The following GRID2 variants were observed in gnomAD, a reference collection of about 807,000 sequenced individuals.
The protein encoded by GRID2 is glutamate ionotropic receptor delta type subunit 2.
GRID2 carries 33 observed loss-of-function variants against 114.8 expected under a neutral mutation model. That is an observed-to-expected ratio of 0.29 (90% CI 0.22 to 0.38). GRID2 has a LOEUF of 0.38. Ranked by LOEUF, GRID2 falls within the 10% of genes least tolerant of loss-of-function variation. The probability of loss-of-function intolerance (pLI) is 1.00; values close to 1 mark genes in which losing one functional copy is unlikely to be tolerated. For synonymous variants in GRID2, 505 were observed against 449.9 expected, an observed-to-expected ratio of 1.12 and a Z score of -1.55; for missense variants, 1,184 against 1,257.7, an observed-to-expected ratio of 0.94 and a Z score of 0.89.
chr4:92,837,036 A>G (rs929435355), intron 2 of GRID2, among the ~76,000 whole-genome samples: 1 of 152,068 alleles, frequency 6.6e-6, no homozygotes, highest in Non-Finnish European at 1.5e-5. Context: ...AAGGCCAATG[A>G]CTGAGACTGT....
At chr4:93,547,262 A>G (rs1051646563) in intron 13 of GRID2, among the ~76,000 whole-genome samples, 14 of 152,254 alleles carry the variant, frequency 9.2e-5, no homozygotes, top group African/African-American at 3.1e-4. Context: ...AGTGATGGGG[A>G]ATGGGGGATG....
chr4:93,405,092 A>G (rs545206795), intron 9 of GRID2, among the ~76,000 whole-genome samples: 1 of 152,148 alleles, frequency 6.6e-6, no homozygotes, highest in Non-Finnish European at 1.5e-5. Context: ...TAGGTAAAAT[A>G]GTACTCATTT....
At chr4:92,776,128 G>A (rs1184441742) in intron 2 of GRID2, among the ~76,000 whole-genome samples, 1 of 152,054 alleles carries the variant, frequency 6.6e-6, no homozygotes, top group African/African-American at 2.4e-5. Context: ...ATATGTATGA[G>A]TGTGTGTTAA....
intron 13 of GRID2, among the ~76,000 whole-genome samples, chr4:93,602,259 G>T (rs769233842): frequency 2.6e-5 from 4 of 152,088 alleles, no homozygotes; most frequent in Non-Finnish European, 5.9e-5. Context: ...TTATGTAGTT[G>T]CTCTTGCCCA....
chr4:92,645,870 A>G (rs1293416509), intron 2 of GRID2, among the ~76,000 whole-genome samples: 3 of 151,818 alleles, frequency 2.0e-5, no homozygotes, highest in Non-Finnish European at 4.4e-5. Context: ...GTTGATGAAC[A>G]TTGATGGGAT....
chr4:93,473,831 G>A (rs1044222796), intron 11 of GRID2, among the ~76,000 whole-genome samples: 1 of 152,026 alleles, frequency 6.6e-6, no homozygotes, highest in African/African-American at 2.4e-5. Context: ...AGAGTCTCTT[G>A]TGTATTGCCA....
chr4:93,802,365 T>TATG (rs1734949222), intron 1 of GRID2, among the ~76,000 whole-genome samples: 1 of 152,010 alleles, frequency 6.6e-6, no homozygotes, highest in Non-Finnish European at 1.5e-5. Context: ...ACTTTGACTC[T>TATG]ATGTGTGAGA....
intron 12 of GRID2, among the ~76,000 whole-genome samples, chr4:93,491,985 T>A (rs145696151): frequency 1.4e-4 from 22 of 151,986 alleles, no homozygotes; most frequent in South Asian, 8.3e-4. Flanking sequence ...TCAAGTTGTT[T>A]TCCAATTATT....
chr4:92,354,377 T>C (rs1728216921), intron 1 of GRID2, among the ~76,000 whole-genome samples: 1 of 151,926 alleles, frequency 6.6e-6, no homozygotes, highest in South Asian at 2.1e-4. Flanking sequence ...TTCTGTGGGG[T>C]ACATGAGCTT....
chr4:93,418,485 A>G (rs1288908423), intron 9 of GRID2, among the ~76,000 whole-genome samples: 1 of 152,080 alleles, frequency 6.6e-6, no homozygotes, highest in Non-Finnish European at 1.5e-5. Context: ...GCCAATTAAA[A>G]AAGCATTGCC....
intron 2 of GRID2, among the ~76,000 whole-genome samples, chr4:92,657,354 C>G (rs912760585): frequency 3.3e-5 from 5 of 151,468 alleles, no homozygotes; most frequent in African/African-American, 4.8e-5. Flanking sequence ...CTTGTTGTTT[C>G]TTAAATTCAA....
chr4:93,240,933 C>T (rs1747436779), intron 8 of GRID2, among the ~76,000 whole-genome samples: 1 of 151,458 alleles, frequency 6.6e-6, no homozygotes, highest in South Asian at 2.1e-4. Flanking sequence ...CAGAAAGTGC[C>T]ATTATTCCTG....
chr4:92,873,350 G>A (rs964866069), intron 2 of GRID2, among the ~76,000 whole-genome samples: 2 of 151,956 alleles, frequency 1.3e-5, no homozygotes, highest in African/African-American at 4.8e-5. Context: ...TCTTAAGGAA[G>A]CAGCAAATTG....
chr4:93,319,149 A>G (rs1302610836), intron 8 of GRID2, among the ~76,000 whole-genome samples: 1 of 152,104 alleles, frequency 6.6e-6, no homozygotes, highest in Non-Finnish European at 1.5e-5. Flanking sequence ...CCAAAAGAAC[A>G]TGGGTACTTT....
intron 2 of GRID2, among the ~76,000 whole-genome samples, chr4:92,619,189 G>C (rs374705430): frequency 6.6e-6 from 1 of 151,682 alleles, no homozygotes; most frequent in Non-Finnish European, 1.5e-5. Context: ...GGTCAGTGGA[G>C]AAACTTATTT....
chr4:93,659,269 G>T (rs942126169), intron 14 of GRID2, among the ~76,000 whole-genome samples: 4 of 152,108 alleles, frequency 2.6e-5, no homozygotes, highest in African/African-American at 9.7e-5. Flanking sequence ...TTAATTGAAA[G>T]GAAATTTACA....
At chr4:92,596,598 G>T (rs1728965847) in intron 2 of GRID2, among the ~76,000 whole-genome samples, 1 of 151,662 alleles carries the variant, frequency 6.6e-6, no homozygotes, top group South Asian at 2.1e-4. Flanking sequence ...TCTGGAATTA[G>T]AATCTATCTT....
intron 8 of GRID2, among the ~76,000 whole-genome samples, chr4:93,380,427 T>C (rs1763743392): frequency 6.6e-6 from 1 of 151,182 alleles, no homozygotes; most frequent in Admixed American, 6.7e-5. Flanking sequence ...TTTAAGCAGA[T>C]GACTTTGGGG....
chr4:92,382,897 G>A (rs1476393719), intron 1 of GRID2, among the ~76,000 whole-genome samples: 1 of 151,776 alleles, frequency 6.6e-6, no homozygotes, highest in African/African-American at 2.4e-5. Flanking sequence ...CCTGAGACTG[G>A]GTAATTTATA....
Sources: allele counts gnomAD v4.1 joint callset (sites outside exome capture counted in the v4.1 genomes callset), GRCh38; gene constraint gnomAD v4.1.1; transcripts MANE v1.5; gene names NCBI Gene and HGNC (gene_info 2026-07-23, HGNC 2026-07-21).